LY6S: variants seen among roughly 807,000 people sequenced by gnomAD.
LY6S encodes the protein lymphocyte antigen 6 family member S.
At chr8:143,050,155 TAGA>T in the LY6S span, among the ~76,000 whole-genome samples, 2 of 149,712 alleles carry the variant, frequency 1.3e-5, no homozygotes, top group South Asian at 4.2e-4. Flanking sequence ...GCCATTCTAG[TAGA>T]AGAAGCCCAA....
At chr8:143,070,363 TGATA>T in the LY6S span, among the ~76,000 whole-genome samples, 2 of 133,104 alleles carry the variant, frequency 1.5e-5, no homozygotes, top group Non-Finnish European at 3.1e-5. Flanking sequence ...TTTCTCCAGC[TGATA>T]TATATATATA....
At chr8:143,062,438 C>G in the LY6S span, among the ~76,000 whole-genome samples, 2 of 152,132 alleles carry the variant, frequency 1.3e-5, no homozygotes, top group South Asian at 2.1e-4. Context: ...GAGGCCAAGG[C>G]GGGTGGATCA....
the LY6S span, chr8:143,043,319 G>A: frequency 8.6e-7 from 1 of 1,160,698 alleles, no homozygotes; most frequent in Non-Finnish European, 1.2e-6. Context: ...GGGAGAGCTT[G>A]TTCTCCCCTC....
the LY6S span, among the ~76,000 whole-genome samples, chr8:143,050,944 G>A: frequency 1.3e-5 from 2 of 152,198 alleles, no homozygotes; most frequent in Admixed American, 6.5e-5. Context: ...GGCGCTTCAC[G>A]GGTGTGCGGA....
the LY6S span, among the ~76,000 whole-genome samples, chr8:143,060,169 C>T: frequency 6.6e-6 from 1 of 151,864 alleles, no homozygotes; most frequent in South Asian, 2.1e-4. Context: ...TACAGGGCTC[C>T]TTGGTCTAGC....
the LY6S span, chr8:143,057,419 T>A: frequency 2.2e-6 from 1 of 464,604 alleles, no homozygotes; most frequent in African/African-American, 2.0e-5. Context: ...CCGGCTACAT[T>A]TTGTATTTTT....
At chr8:143,067,144 T>A in the LY6S span, among the ~76,000 whole-genome samples, 3 of 152,206 alleles carry the variant, frequency 2.0e-5, no homozygotes, top group African/African-American at 7.2e-5. Flanking sequence ...TTCTCCACTC[T>A]TGTTATGTGA....
chr8:143,063,888 C>A, the LY6S span, among the ~76,000 whole-genome samples: 1 of 152,208 alleles, frequency 6.6e-6, no homozygotes. Context: ...ACCAACTTTT[C>A]AGCTTCCTTT....
chr8:143,052,809 ACT>A, the LY6S span, among the ~76,000 whole-genome samples: 1 of 152,158 alleles, frequency 6.6e-6, no homozygotes, highest in South Asian at 2.1e-4. Context: ...GTCTTGGTAT[ACT>A]CTGTCATCTA....
the LY6S span, among the ~76,000 whole-genome samples, chr8:143,048,997 G>A: frequency 6.6e-6 from 1 of 152,074 alleles, no homozygotes; most frequent in South Asian, 2.1e-4. Flanking sequence ...GAGACGTTGG[G>A]CCCCCCAGCC....
the LY6S span, chr8:143,044,853 A>G: frequency 7.5e-7 from 1 of 1,330,334 alleles, no homozygotes; most frequent in Non-Finnish European, 1.0e-6. Flanking sequence ...ACATACACCA[A>G]TGCCCTGGTG....
the LY6S span, among the ~76,000 whole-genome samples, chr8:143,050,816 G>T: frequency 2.0e-5 from 3 of 152,068 alleles, no homozygotes; most frequent in East Asian, 5.8e-4. Context: ...AAAAAGAGGG[G>T]CAGGACATGC....
chr8:143,074,173 C>T, the LY6S span, among the ~76,000 whole-genome samples: 1 of 152,122 alleles, frequency 6.6e-6, no homozygotes, highest in Non-Finnish European at 1.5e-5. Context: ...GGGTTAATGT[C>T]TCTTACCAAT....
the LY6S span, among the ~76,000 whole-genome samples, chr8:143,063,839 A>C: frequency 6.6e-6 from 1 of 152,162 alleles, no homozygotes; most frequent in African/African-American, 2.4e-5. Context: ...TAACACCTGC[A>C]CCTGGTGAGG....
the LY6S span, among the ~76,000 whole-genome samples, chr8:143,073,051 G>A: frequency 7.5e-6 from 1 of 132,796 alleles, no homozygotes; most frequent in African/African-American, 2.6e-5. Flanking sequence ...GGAGACAGCC[G>A]TCGTCCTCGG....
the LY6S span, among the ~76,000 whole-genome samples, chr8:143,073,749 G>C: frequency 1.4e-5 from 2 of 145,898 alleles, no homozygotes; most frequent in African/African-American, 5.3e-5. Flanking sequence ...CGGGATTCCT[G>C]TTTGAGGAGA....
the LY6S span, among the ~76,000 whole-genome samples, chr8:143,070,422 T>G: frequency 0.049 from 4,807 of 97,538 alleles, 343 homozygotes; most frequent in East Asian, 0.17. Context: ...GTATATATAT[T>G]TATATATATA....
At chr8:143,048,861 T>G in the LY6S span, among the ~76,000 whole-genome samples, 1 of 152,182 alleles carries the variant, frequency 6.6e-6, no homozygotes, top group Non-Finnish European at 1.5e-5. Flanking sequence ...CAACTGGCGT[T>G]CTTTGCTGAA....
chr8:143,069,880 G>C, the LY6S span, among the ~76,000 whole-genome samples: 1 of 152,282 alleles, frequency 6.6e-6, no homozygotes, highest in East Asian at 1.9e-4. Context: ...CAAAATACAC[G>C]TGAATGAACA....
Sources: gnomAD v4.1 joint callset for allele counts (sites outside exome capture counted in the v4.1 genomes callset) on GRCh38, gnomAD v4.1.1 for gene constraint, MANE v1.5 for transcripts, NCBI Gene and HGNC (gene_info 2026-07-23, HGNC 2026-07-21) for gene names.